MAN1A1: variants seen among roughly 807,000 people sequenced by gnomAD.
MAN1A1 encodes mannosyl-oligosaccharide 1,2-alpha-mannosidase IA.
In MAN1A1, 29 loss-of-function variants were observed where a neutral mutation model predicts 70.8. The observed-to-expected ratio is 0.41, with a 90% CI of 0.31 to 0.56. The LOEUF (loss-of-function observed/expected upper bound fraction) is 0.56, where lower values mean the gene tolerates loss of function less well. MAN1A1 is among the 20% of genes least tolerant of loss of function. The pLI is 0.29. For synonymous variants in MAN1A1, 349 were observed against 330.1 expected, an observed-to-expected ratio of 1.06 and a Z score of -0.62; for missense variants, 747 against 841.3, an observed-to-expected ratio of 0.89 and a Z score of 1.39.
intron 9 of MAN1A1, among the ~76,000 whole-genome samples, chr6:119,192,545 T>C (rs967865107): frequency 6.6e-6 from 1 of 152,300 alleles, no homozygotes; most frequent in East Asian, 1.9e-4. Context: ...TATGTCAAAA[T>C]AACCCAGACC....
chr6:119,258,330 T>G (rs1041052264), intron 5 of MAN1A1, among the ~76,000 whole-genome samples: 4 of 152,202 alleles, frequency 2.6e-5, no homozygotes, highest in Non-Finnish European at 5.9e-5. Context: ...ACATCTGTGG[T>G]ATCAACCAGT....
intron 2 of MAN1A1, among the ~76,000 whole-genome samples, chr6:119,309,690 C>T (rs1320623382): frequency 1.3e-5 from 2 of 152,178 alleles, no homozygotes; most frequent in Non-Finnish European, 2.9e-5. Context: ...TGTTTTCTTC[C>T]TGAATACGTA....
At chr6:119,260,160 C>T (rs950446761) in intron 5 of MAN1A1, among the ~76,000 whole-genome samples, 5 of 152,140 alleles carry the variant, frequency 3.3e-5, no homozygotes, top group African/African-American at 1.2e-4. Flanking sequence ...CTCTGTCTCA[C>T]GTTTATTTTT....
At chr6:119,234,155 G>A (rs1431343399) in intron 6 of MAN1A1, among the ~76,000 whole-genome samples, 1 of 152,148 alleles carries the variant, frequency 6.6e-6, no homozygotes, top group Non-Finnish European at 1.5e-5. Context: ...GATAAAGGAG[G>A]TGACAATTTA....
At chr6:119,285,393 T>A (rs563049281) in intron 5 of MAN1A1, among the ~76,000 whole-genome samples, 188 of 152,136 alleles carry the variant, frequency 1.2e-3, no homozygotes, top group African/African-American at 4.3e-3. Context: ...CCCAAACATC[T>A]CTCATGAGAC....
intron 7 of MAN1A1, among the ~76,000 whole-genome samples, chr6:119,203,309 G>A (rs1773767740): frequency 6.6e-6 from 1 of 152,146 alleles, no homozygotes; most frequent in African/African-American, 2.4e-5. Flanking sequence ...AAGTGAGGGA[G>A]TAGGCCACGT....
chr6:119,253,027 C>G (rs1775366523), intron 5 of MAN1A1, among the ~76,000 whole-genome samples: 1 of 151,930 alleles, frequency 6.6e-6, no homozygotes, highest in Non-Finnish European at 1.5e-5. Context: ...GCCTCATGAG[C>G]TGAGTGAACA....
chr6:119,291,537 T>G (rs79644049), intron 4 of MAN1A1, among the ~76,000 whole-genome samples: 1 of 149,896 alleles, frequency 6.7e-6, no homozygotes, highest in Non-Finnish European at 1.5e-5. Flanking sequence ...ATTTTTTTTT[T>G]CTGCTCTGCA....
chr6:119,215,410 G>A (rs2114961941), intron 6 of MAN1A1, among the ~76,000 whole-genome samples: 1 of 152,196 alleles, frequency 6.6e-6, no homozygotes, highest in East Asian at 1.9e-4. Context: ...TCACTTCTAG[G>A]GAATCATTAG....
intron 6 of MAN1A1, among the ~76,000 whole-genome samples, chr6:119,237,533 G>A (rs77403059): frequency 5.9e-5 from 9 of 151,640 alleles, no homozygotes; most frequent in Admixed American, 1.3e-4. Flanking sequence ...TTTGTCTTGC[G>A]TTTCTTTTCT....
At chr6:119,210,582 C>T (rs926538848) in intron 6 of MAN1A1, among the ~76,000 whole-genome samples, 21 of 151,988 alleles carry the variant, frequency 1.4e-4, no homozygotes, top group African/African-American at 1.9e-4. Flanking sequence ...GGATATATTC[C>T]GATTTATTTA....
At chr6:119,313,424 T>C (rs1166778865) in intron 2 of MAN1A1, among the ~76,000 whole-genome samples, 1 of 152,142 alleles carries the variant, frequency 6.6e-6, no homozygotes, top group Non-Finnish European at 1.5e-5. Flanking sequence ...TTTTACCCCA[T>C]ATGAAATTCA....
rs1773080864 is a variant in MAN1A1 at position 119,179,131 on chromosome 6, T to C, written c.*688A>G. The C allele has an allele frequency of 6.6e-6, 1 of 152,198 alleles. No homozygotes were observed. The highest frequency in any genetic ancestry group is 2.1e-4 in the South Asian group (1 of 4,826). The allele number at this position is 152,198 out of a possible 1,614,324, so 9.4% of individuals were successfully genotyped here. ...CAGAAATGACACAGGGCATTTAAAG[T>C]AAAATTAAAGGACACATTTACAAAA... On this transcript the variant is annotated 3_prime_UTR_variant, in exon 13 of 13. Coordinates refer to ENST00000368468, the MANE Select transcript of MAN1A1 (RefSeq NM_005907.4).
At chr6:119,344,773 T>C (rs1308924900) in intron 2 of MAN1A1, among the ~76,000 whole-genome samples, 4 of 152,238 alleles carry the variant, frequency 2.6e-5, no homozygotes, top group African/African-American at 9.6e-5. Context: ...TTATAGGCTA[T>C]ATGCCTAAGG....
rs1246197557 is a variant in MAN1A1, at chr6:119,290,690, CCAGA to C, written c.886_889del (p.Ser296GlufsTer14). 15 of 1,608,596 alleles carry C rather than the reference CCAGA, an allele frequency of 9.3e-6. No individual in the cohort carries two copies. Among genetic ancestry groups the C allele is most frequent in the Non-Finnish European group, 1.1e-5 (13 of 1,176,700 alleles). On this transcript the variant is annotated frameshift_variant, in exon 5 of 13. Transcript: ENST00000368468. LOFTEE classifies it high-confidence loss of function. ...TACCACTTTTCATCTTACCTCTTCT[CCAGA>C]CAGATAGTAGGCTGAGAGTAGTCCA...
chr6:119,325,983 T>C (rs542455225), intron 2 of MAN1A1, among the ~76,000 whole-genome samples: 6 of 152,324 alleles, frequency 3.9e-5, no homozygotes, highest in African/African-American at 1.4e-4. Flanking sequence ...GGTAACAGTT[T>C]ATGTTTGTTG....
rs1369103347 is a variant in MAN1A1, at chr6:119,245,298, T to A, written c.992+2962A>T. ...TAAGAAAATATGATTTTGCCAGATA[T>A]ATGTTTCCCCACTCCTTTGAAACTT... On this transcript the variant is annotated intron_variant, in intron 6 of 12. Transcript: ENST00000368468. Among the ~76,000 whole-genome samples, 8 of 152,164 alleles carry A rather than the reference T, an allele frequency of 5.3e-5. 1 individual carries two copies. The highest frequency in any genetic ancestry group is 5.2e-4 in the Admixed American group (8 of 15,258).
In MAN1A1 at chr6:119,178,824, G is replaced by A. The variant is rs1773072689; in HGVS notation, c.*995C>T. The A allele has an allele frequency of 1.3e-5, 2 of 152,178 alleles. No individual in the cohort carries two copies. The highest frequency in any genetic ancestry group is 4.1e-4 in the South Asian group (2 of 4,824). The allele number at this position is 152,178 out of a possible 1,614,324, so 9.4% of individuals were successfully genotyped here. ...AATAATTTACTACATCTGAGATAGA[G>A]CCTTTTTCAAATCTGAGAAATCTGA... On this transcript the variant is annotated 3_prime_UTR_variant, in exon 13 of 13. Coordinates refer to ENST00000368468, the MANE Select transcript of MAN1A1 (RefSeq NM_005907.4).
chr6:119,259,363 T>C (rs1477278690), intron 5 of MAN1A1, among the ~76,000 whole-genome samples: 3 of 152,216 alleles, frequency 2.0e-5, no homozygotes, highest in Non-Finnish European at 2.9e-5. Context: ...TCTATAGGTA[T>C]GAAAGAGCAA....
Sources: allele counts gnomAD v4.1 joint callset (sites outside exome capture counted in the v4.1 genomes callset), GRCh38; gene constraint gnomAD v4.1.1; transcripts MANE v1.5; gene names NCBI Gene and HGNC (gene_info 2026-07-23, HGNC 2026-07-21).